ZNF222: variants seen among roughly 807,000 people sequenced by gnomAD.
The protein encoded by ZNF222 is zinc finger protein 222.
ZNF222 carries 8 observed loss-of-function variants against 11.6 expected under a neutral mutation model. The observed-to-expected ratio is 0.69, with a 90% CI of 0.41 to 1.25. The LOEUF (loss-of-function observed/expected upper bound fraction) is 1.25. ZNF222 is among the 50% of genes most tolerant of loss of function. The probability of loss-of-function intolerance (pLI) is 0.01; values close to 1 mark genes in which losing one functional copy is unlikely to be tolerated. For missense variants in ZNF222, 483 were observed against 576.1 expected (o/e 0.84, Z 1.65); for synonymous variants, 171 against 195.6 (o/e 0.87, Z 1.05).
intron 3 of ZNF222, among the ~76,000 whole-genome samples, chr19:44,028,811 A>G (rs769179224): frequency 6.6e-6 from 1 of 152,210 alleles, no homozygotes; most frequent in Non-Finnish European, 1.5e-5. Context: ...GACATACAAG[A>G]GTGAATGTTA....
At chr19:44,031,106 G>T (rs140521545) in intron 3 of ZNF222, 1 of 152,084 alleles carries the variant, frequency 6.6e-6, no homozygotes, top group Non-Finnish European at 1.5e-5. Flanking sequence ...CTGTTTATTC[G>T]TTATTGCTTC....
Position 44,032,030 on chromosome 19 carries a change from G to A in ZNF222, c.476G>A (p.Gly159Asp). The change falls in exon 4 of 4, where the codon GGT becomes GAT. Residue 159 changes from glycine to aspartate, a missense_variant. By Grantham distance (94) the Gly-to-Asp change is moderately conservative. Coordinates refer to ENST00000391960, the MANE Select transcript of ZNF222 (RefSeq NM_001129996.2). The part of the protein sequence containing the change: ...TVHTREKPFQ[G>D]ENCKQFFSDV... ...CACACAAGAGAAAAACCTTTCCAGG[G>A]TGAAAATTGTAAACAGTTCTTCAGT... 6.2e-7 allele frequency: 1 copy of A among 1,614,204 alleles called. No individual in the cohort carries two copies. Among genetic ancestry groups the A allele is most frequent in the Non-Finnish European group, 8.5e-7 (1 of 1,180,042 alleles).
chr19:44,027,614 TG>T, intron 3 of ZNF222, 124 bp downstream of exon 3: 1 of 904,842 alleles, frequency 1.1e-6, no homozygotes, highest in Non-Finnish European at 1.8e-6. Flanking sequence ...TTCTCCCTGC[TG>T]ATGCCCCTGC....
chr19:44,032,486 G>A lies in ZNF222; in HGVS notation c.932G>A (p.Ser311Asn), dbSNP rs762195382. 1 of 1,614,196 alleles carries A rather than the reference G, an allele frequency of 6.2e-7. No individual in the cohort carries two copies. Among genetic ancestry groups the A allele is most frequent in the South Asian group, 1.1e-5 (1 of 91,086 alleles). The change falls in exon 4 of 4, where the codon AGT (serine) becomes AAT (asparagine). Residue 311 changes from serine to asparagine, a missense_variant. Physicochemically the swap from Ser to Asn is conservative, Grantham distance 46. Transcript: ENST00000391960. ...ICGKSFCLRS[S>N]LNRHCMVHTA... ...GGTAAGAGCTTCTGTCTTAGGTCAA[G>A]TCTTAATAGGCATTGCATGGTCCAC...
intron 3 of ZNF222, chr19:44,031,119 C>T (rs1369006645): frequency 6.6e-6 from 1 of 152,198 alleles, no homozygotes; most frequent in Non-Finnish European, 1.5e-5. Context: ...ATTGCTTCTC[C>T]TTAAAGTTCC....
At position 44,032,112 on chromosome 19, in the gene ZNF222, C is replaced by G. The variant is rs778907901; in HGVS notation, c.558C>G (p.Thr186=). ...TATATTCAGGAGAGAAGTCTCATAC[C>G]TGTGATGAGTGTGGAAAAAGCTTCT... ...QQLYSGEKSH[T]CDECGKSFCY... Residue 186 remains threonine, a synonymous_variant, in exon 4 of 4, where the codon ACC becomes ACG. Transcript: ENST00000391960. The G allele has an allele frequency of 1.2e-6, 2 of 1,614,066 alleles. No homozygotes were observed. Among genetic ancestry groups the G allele is most frequent in the African/African-American group, 1.3e-5 (1 of 74,906 alleles).
rs144596220 is a variant in ZNF222, at chr19:44,026,528, T to TTCTCTC, written c.43-485_43-480dup. Among the ~76,000 whole-genome samples, 277 of 143,256 alleles carry TTCTCTC rather than the reference T, an allele frequency of 1.9e-3. 2 individuals carry two copies. The highest frequency in any genetic ancestry group is 6.6e-3 in the African/African-American group (254 of 38,244). 94.0% of individuals were successfully genotyped at this position (143,256 alleles called of 152,430 possible). ...TTTTTAACCTTATCTACTATTTTCT[T>TTCTCTC]TCTCTCTCTCTCTCTATATATATAT... On this transcript the variant is annotated intron_variant, in intron 1 of 3. Coordinates refer to ENST00000391960, the MANE Select transcript of ZNF222 (RefSeq NM_001129996.2).
rs755112950 is a variant in ZNF222 at position 44,027,034 on chromosome 19, C to G, written c.54C>G (p.Thr18=). The G allele has an allele frequency of 6.2e-7, 1 of 1,613,918 alleles. No homozygotes were observed. Among genetic ancestry groups the G allele is most frequent in the Non-Finnish European group, 8.5e-7 (1 of 1,179,984 alleles). Residue 18 remains threonine (T), a synonymous_variant, in exon 2 of 4, where the codon ACC becomes ACG. Coordinates refer to ENST00000391960, the MANE Select transcript of ZNF222 (RefSeq NM_001129996.2). ...GCTTGATGTTGTAGGAGGCAGTGAC[C>G]TTCAAGGATGTGGCTGTGATCTTCA... ...KPGRRAEEAV[T]FKDVAVIFTE... is the part of the protein sequence containing the mutation.
At position 44,033,029 on chromosome 19, in the gene ZNF222, A is replaced by G; in HGVS notation, c.1475A>G (p.Ter492=). ...IILSLFLNDI[*] ...TTATCATTATTTTTAAATGACATAT[A>G]AGTTATACATATTTATGGAGTGTGA... Residue 492 remains the stop codon, a stop_retained_variant, in exon 4 of 4, where the codon TAA becomes TGA. Coordinates refer to ENST00000391960, the MANE Select transcript of ZNF222 (RefSeq NM_001129996.2). 6.6e-7 allele frequency: 1 copy of G among 1,518,962 alleles called. No homozygotes were observed. The highest frequency in any genetic ancestry group is 8.8e-7 in the Non-Finnish European group (1 of 1,139,028). The allele number at this position is 1,518,962 out of a possible 1,614,324, so 94.1% of individuals were successfully genotyped here.
rs1976400532 is a variant in ZNF222 at position 44,027,384 on chromosome 19, T to G, written c.170-14T>G. On this transcript the variant is annotated splice_polypyrimidine_tract_variant and intron_variant, in intron 2 of 3. Coordinates refer to ENST00000391960, the MANE Select transcript of ZNF222 (RefSeq NM_001129996.2). Reference sequence around the variant, plus strand: ...ACATGTTGGGATTAAGCATGTGACTTTGCCTGTTCACAGGGCATCAACCAT... The same window carrying G: ...ACATGTTGGGATTAAGCATGTGACTGTGCCTGTTCACAGGGCATCAACCAT... The G allele has an allele frequency of 6.2e-7, 1 of 1,610,344 alleles. No homozygotes were observed. The highest frequency in any genetic ancestry group is 8.5e-7 in the Non-Finnish European group (1 of 1,176,652).
intron 1 of ZNF222, 149 bp from the exon 2 acceptor site, chr19:44,026,874 C>A: frequency 7.5e-7 from 1 of 1,327,056 alleles, no homozygotes; most frequent in African/African-American, 1.5e-5. Context: ...TGTCAGGACA[C>A]AAACAGAATA....
chr19:44,031,839 G>A lies in ZNF222; in HGVS notation c.285G>A (p.Met95Ile). Residue 95 changes from methionine to isoleucine, a missense_variant, in exon 4 of 4, where the codon ATG (methionine) becomes ATA (isoleucine). By Grantham distance (10) the Met-to-Ile change is conservative. Transcript: ENST00000391960. ...GNLGGKIQTEMETVPEAGTHE... is the reference protein window; with the variant it reads ...GNLGGKIQTEIETVPEAGTHE... Reference sequence around the variant, plus strand: ...TAGGAGGCAAGATCCAAACTGAGATGGAGACTGTTCCAGAAGCAGGAACAC... The same window carrying A: ...TAGGAGGCAAGATCCAAACTGAGATAGAGACTGTTCCAGAAGCAGGAACAC... 6.2e-7 allele frequency: 1 copy of A among 1,613,970 alleles called. No individual in the cohort carries two copies. Among genetic ancestry groups the A allele is most frequent in the Non-Finnish European group, 8.5e-7 (1 of 1,179,910 alleles).
In ZNF222 at chr19:44,027,470, G is replaced by T; in HGVS notation, c.242G>T (p.Ser81Ile). The T allele has an allele frequency of 6.2e-7, 1 of 1,614,028 alleles. No homozygotes were observed. The highest frequency in any genetic ancestry group is 8.5e-7 in the Non-Finnish European group (1 of 1,179,970). ...AAGTTTTGGGTGATGGGGACAACAA[G>T]CCAAAGAGAAGGGAATTTGGGTAAG... ...EEKFWVMGTT[S>I]QREGNLGGKI... is the part of the protein sequence containing the mutation. The change falls in exon 3 of 4, where the codon AGC (serine) becomes ATC (isoleucine). Residue 81 changes from serine (S) to isoleucine (I), a missense_variant. By Grantham distance (142) the Ser-to-Ile change is moderately radical. Transcript: ENST00000391960.
chr19:44,029,585 C>T (rs1303537236), intron 3 of ZNF222, among the ~76,000 whole-genome samples: 1 of 152,132 alleles, frequency 6.6e-6, no homozygotes, highest in Admixed American at 6.5e-5. Context: ...ATCTGGTGAA[C>T]TTTATGACCT....
intron 1 of ZNF222, 59 bp from the exon 2 acceptor site, chr19:44,026,964 T>A: frequency 6.2e-7 from 1 of 1,608,614 alleles, no homozygotes; most frequent in Non-Finnish European, 8.5e-7. Context: ...AGTGCAATGC[T>A]GCTGTCTCCC....
chr19:44,026,688 C>G (rs768138705), intron 1 of ZNF222, among the ~76,000 whole-genome samples: 1 of 151,846 alleles, frequency 6.6e-6, no homozygotes, highest in African/African-American at 2.4e-5. Flanking sequence ...TCAAAGGGCC[C>G]GCGACTCAAA....
intron 3 of ZNF222, among the ~76,000 whole-genome samples, chr19:44,031,417 C>T (rs1035640476): frequency 6.6e-6 from 1 of 152,162 alleles, no homozygotes; most frequent in African/African-American, 2.4e-5. Context: ...AAACACTGAA[C>T]AAAGACTTCA....
chr19:44,029,970 T>C (rs994342039), intron 3 of ZNF222, among the ~76,000 whole-genome samples: 1 of 152,252 alleles, frequency 6.6e-6, no homozygotes, highest in Non-Finnish European at 1.5e-5. Context: ...TTCCTGCTTG[T>C]CATAATGCTG....
intron 3 of ZNF222, among the ~76,000 whole-genome samples, chr19:44,030,125 G>C (rs771040162): frequency 1.3e-5 from 2 of 152,094 alleles, no homozygotes; most frequent in Non-Finnish European, 2.9e-5. Context: ...ACGTGTTTCT[G>C]AACAACTTTG....
Sources: gnomAD v4.1 joint callset for allele counts (sites outside exome capture counted in the v4.1 genomes callset) on GRCh38, gnomAD v4.1.1 for gene constraint, MANE v1.5 for transcripts, NCBI Gene and HGNC (gene_info 2026-07-23, HGNC 2026-07-21) for gene names.